The following COL23A1 variants were observed in gnomAD, a reference collection of about 807,000 sequenced individuals.
COL23A1 encodes collagen alpha-1(XXIII) chain.
In COL23A1, 97 loss-of-function variants were observed where a neutral mutation model predicts 99.3. That is an observed-to-expected ratio of 0.98 (90% CI 0.83 to 1.16). The LOEUF is 1.16. Ranked by LOEUF, COL23A1 falls within the 50% of genes most tolerant of loss-of-function variation. The pLI is 0.00. For missense variants in COL23A1, 762 were observed against 757.4 expected (o/e 1.01, Z -0.07); for synonymous variants, 320 against 308.2 (o/e 1.04, Z -0.40).
intron 2 of COL23A1, among the ~76,000 whole-genome samples, chr5:178,337,534 G>A (rs545827612): frequency 2.9e-4 from 44 of 152,340 alleles, no homozygotes; most frequent in African/African-American, 1.0e-3. Flanking sequence ...AAGACAGAGA[G>A]ACGGAGTGGG....
chr5:178,325,369 C>T (rs569747669), intron 2 of COL23A1, among the ~76,000 whole-genome samples: 3 of 152,368 alleles, frequency 2.0e-5, no homozygotes, highest in South Asian at 2.1e-4. Flanking sequence ...CAGCCCGTTC[C>T]GCCCAGCTCC....
At chr5:178,283,874 A>T (rs1262677799) in intron 5 of COL23A1, among the ~76,000 whole-genome samples, 1 of 152,186 alleles carries the variant, frequency 6.6e-6, no homozygotes, top group Admixed American at 6.5e-5. Context: ...GCTTCTAATT[A>T]TTCATTCCTC....
chr5:178,497,116 C>G (rs1425853654), intron 2 of COL23A1, among the ~76,000 whole-genome samples: 1 of 152,196 alleles, frequency 6.6e-6, no homozygotes, highest in African/African-American at 2.4e-5. Flanking sequence ...ATAGGAAACA[C>G]TCTTTGAGTC....
chr5:178,433,234 C>T (rs1766360862), intron 2 of COL23A1, among the ~76,000 whole-genome samples: 1 of 151,986 alleles, frequency 6.6e-6, no homozygotes, highest in African/African-American at 2.4e-5. Flanking sequence ...AAATCAGGGG[C>T]TCCCACGACC....
intron 2 of COL23A1, among the ~76,000 whole-genome samples, chr5:178,432,234 G>C (rs1029490048): frequency 6.6e-6 from 1 of 152,122 alleles, no homozygotes; most frequent in African/African-American, 2.4e-5. Flanking sequence ...TCATGTGGAC[G>C]AGGTCCAACT....
At chr5:178,515,034 C>T (rs573255041) in intron 2 of COL23A1, among the ~76,000 whole-genome samples, 1 of 152,362 alleles carries the variant, frequency 6.6e-6, no homozygotes, top group South Asian at 2.1e-4. Flanking sequence ...CAAACTTTTC[C>T]ACATGCTCAA....
At chr5:178,550,206 T>C (rs890662853) in intron 2 of COL23A1, among the ~76,000 whole-genome samples, 1 of 152,224 alleles carries the variant, frequency 6.6e-6, no homozygotes, top group Admixed American at 6.5e-5. Context: ...TGCCCAAATA[T>C]GTAAACTAAA....
chr5:178,392,662 T>A (rs1764029056), intron 2 of COL23A1, among the ~76,000 whole-genome samples: 1 of 152,198 alleles, frequency 6.6e-6, no homozygotes, highest in South Asian at 2.1e-4. Context: ...ACCCTCAGCC[T>A]AAATTCGGCT....
chr5:178,429,942 C>T (rs952163471), intron 2 of COL23A1, among the ~76,000 whole-genome samples: 10 of 152,168 alleles, frequency 6.6e-5, no homozygotes, highest in African/African-American at 1.9e-4. Context: ...CCCCACTGAC[C>T]GTGCCTTTCC....
Position 178,512,477 on chromosome 5 carries a change from G to A in COL23A1, c.361+48205C>T, listed in dbSNP as rs144832351. Among the ~76,000 whole-genome samples, 51 of 152,208 alleles carry A rather than the reference G, an allele frequency of 3.4e-4. No individual in the cohort carries two copies. The East Asian group carries it at 5.0e-3, about 15-fold the overall frequency. On this transcript the variant is annotated intron_variant, in intron 2 of 28. Transcript: ENST00000390654. The stretch of plus-strand genomic sequence containing the variant: ...GCAGGTGCAGATGTGAGTTAACATC[G>A]TCCCTGTCCAGCAAGGGAGAGAGAC...
intron 2 of COL23A1, among the ~76,000 whole-genome samples, chr5:178,545,776 C>A (rs941432071): frequency 6.6e-6 from 1 of 152,136 alleles, no homozygotes; most frequent in African/African-American, 2.4e-5. Context: ...CCTCCTATCA[C>A]CCCCACATCC....
intron 2 of COL23A1, among the ~76,000 whole-genome samples, chr5:178,323,380 G>A (rs536491309): frequency 6.6e-6 from 1 of 152,272 alleles, no homozygotes; most frequent in African/African-American, 2.4e-5. Context: ...CCCCTACTCT[G>A]TGGGGACCCT....
At chr5:178,314,358 G>T (rs564783941) in intron 2 of COL23A1, among the ~76,000 whole-genome samples, 5 of 152,230 alleles carry the variant, frequency 3.3e-5, no homozygotes, top group Admixed American at 3.3e-4. Flanking sequence ...GGGTTTTAAG[G>T]CACCGCCATA....
At chr5:178,509,676 G>A (rs550389827) in intron 2 of COL23A1, among the ~76,000 whole-genome samples, 4 of 151,984 alleles carry the variant, frequency 2.6e-5, no homozygotes, top group Non-Finnish European at 5.9e-5. Context: ...TGACCTTCCC[G>A]CTGTGGCCAC....
At chr5:178,277,265 C>T (rs1756642034) in intron 5 of COL23A1, among the ~76,000 whole-genome samples, 1 of 151,158 alleles carries the variant, frequency 6.6e-6, no homozygotes, top group African/African-American at 2.4e-5. Flanking sequence ...ACTCAGGAGG[C>T]TGAGGCAGGA....
intron 5 of COL23A1, 131 bp downstream of exon 5, chr5:178,288,193 C>T (rs1361881203): frequency 7.9e-6 from 7 of 887,336 alleles, no homozygotes; most frequent in Non-Finnish European, 1.4e-5. Flanking sequence ...CTAATCGCCT[C>T]CACAGAAAGA....
intron 2 of COL23A1, among the ~76,000 whole-genome samples, chr5:178,412,685 C>T (rs1470360360): frequency 1.3e-5 from 2 of 152,100 alleles, no homozygotes; most frequent in Non-Finnish European, 2.9e-5. Flanking sequence ...ACATTTTTAA[C>T]ATTTTACTCT....
rs1561876521 is a variant in COL23A1, at chr5:178,340,405, C to G, written c.362-33486G>C. Among the ~76,000 whole-genome samples the G allele has an allele frequency of 6.6e-6, 1 of 152,222 alleles. No homozygotes were observed. Among genetic ancestry groups the G allele is most frequent in the Non-Finnish European group, 1.5e-5 (1 of 68,038 alleles). On this transcript the variant is annotated intron_variant, in intron 2 of 28. Transcript: ENST00000390654. This position sits in a 1 kb window ranked among gnomAD's most constrained non-coding sequence, Gnocchi z 4.7. Reference sequence around the variant, plus strand: ...TGGTCTCCTTGGCAATTAACGTTCACTTCTGCTTTTGCCTTAGATACTGAA... The same window carrying G: ...TGGTCTCCTTGGCAATTAACGTTCAGTTCTGCTTTTGCCTTAGATACTGAA...
At chr5:178,372,658 G>A (rs555629956) in intron 2 of COL23A1, among the ~76,000 whole-genome samples, 2 of 151,368 alleles carry the variant, frequency 1.3e-5, no homozygotes, top group South Asian at 2.1e-4. Context: ...TTGCAGCCTC[G>A]ACCTCCCAGC....
Sources: gnomAD v4.1 joint callset for allele counts (sites outside exome capture counted in the v4.1 genomes callset) on GRCh38, gnomAD v4.1.1 for gene constraint, Gnocchi (gnomAD v3.1) non-coding constraint, MANE v1.5 for transcripts, NCBI Gene and HGNC (gene_info 2026-07-23, HGNC 2026-07-21) for gene names.